The following GIP variants were observed in gnomAD, a reference collection of about 807,000 sequenced individuals.
GIP encodes the protein glucose-dependent insulinotropic polypeptide.
Under a neutral mutation model 18.1 loss-of-function variants are expected in GIP, and 16 were observed. The ratio of observed to expected loss-of-function variants is 0.88; its 90% CI spans 0.60 to 1.34. GIP has a LOEUF of 1.34. GIP is among the 40% of genes most tolerant of loss of function. The probability of loss-of-function intolerance (pLI) is 0.00; values close to 1 mark genes in which losing one functional copy is unlikely to be tolerated. For missense variants in GIP, 192 were observed against 183.4 expected, an observed-to-expected ratio of 1.05 and a Z score of -0.27; for synonymous variants, 76 against 74.0, an observed-to-expected ratio of 1.03 and a Z score of -0.14.
At chr17:48,966,604 A>T (rs2041237366) in intron 2 of GIP, among the ~76,000 whole-genome samples, 1 of 151,498 alleles carries the variant, frequency 6.6e-6, no homozygotes, top group South Asian at 2.1e-4. Context: ...AAAAGAATGC[A>T]TTCATAAGCC....
intron 1 of GIP, among the ~76,000 whole-genome samples, chr17:48,967,872 T>A (rs534689295): frequency 6.6e-6 from 1 of 151,356 alleles, no homozygotes; most frequent in Non-Finnish European, 1.5e-5. Flanking sequence ...GCCAATATGG[T>A]GAAATCCTGT....
At chr17:48,964,159 CAAAAAA>C (rs11380752) in intron 3 of GIP, 145 bp downstream of exon 3, 187 of 357,296 alleles carry the variant, frequency 5.2e-4, no homozygotes, top group South Asian at 1.1e-3. Context: ...GACTCCATCT[CAAAAAA>C]AAAAAAAAAA....
intron 1 of GIP, among the ~76,000 whole-genome samples, chr17:48,968,154 A>G (rs1227818804): frequency 1.3e-5 from 2 of 152,022 alleles, no homozygotes; most frequent in Non-Finnish European, 2.9e-5. Flanking sequence ...GTGCAGTGAC[A>G]CAATCGTGGC....
chr17:48,966,998 C>T, intron 2 of GIP, 149 bp downstream of exon 2: 1 of 621,116 alleles, frequency 1.6e-6, no homozygotes, highest in Non-Finnish European at 2.9e-6. Context: ...GCTCACTTTG[C>T]ACTCACGCTG....
chr17:48,958,757 T>C (rs993582297), intron 5 of GIP, 41 bp from the exon 6 acceptor site: 2 of 1,555,250 alleles, frequency 1.3e-6, no homozygotes, highest in Admixed American at 3.8e-5. Context: ...TGTTATGGAC[T>C]TGGAGTCGGC....
intron 1 of GIP, 106 bp from the exon 2 acceptor site, chr17:48,967,359 CTTTTTTTT>C: frequency 4.4e-5 from 22 of 502,800 alleles, no homozygotes; most frequent in Middle Eastern, 5.8e-4. Flanking sequence ...TTTCCTTTTT[CTTTTTTTT>C]TTTTTTTTTT....
Position 48,958,665 on chromosome 17 carries a change from A to C in GIP, c.*42T>G. 6.5e-7 allele frequency: 1 copy of C among 1,542,464 alleles called. No individual in the cohort carries two copies. The highest frequency in any genetic ancestry group is 8.8e-7 in the Non-Finnish European group (1 of 1,131,934). The stretch of plus-strand genomic sequence containing the variant: ...TGGAGTGGGGCTGAGGCAGGTGCTA[A>C]GTGAAGGGCAGAATCCAGTCCTGAG... On this transcript the variant is annotated 3_prime_UTR_variant, in exon 6 of 6. Coordinates refer to ENST00000357424, the MANE Select transcript of GIP (RefSeq NM_004123.3).
At chr17:48,966,129 G>C (rs2041234674) in intron 2 of GIP, among the ~76,000 whole-genome samples, 1 of 151,674 alleles carries the variant, frequency 6.6e-6, no homozygotes. Context: ...GTGGTGGCAG[G>C]TGCCTGTAAT....
At chr17:48,959,459 G>A (rs2041187511) in intron 5 of GIP, among the ~76,000 whole-genome samples, 3 of 152,058 alleles carry the variant, frequency 2.0e-5, no homozygotes, top group Admixed American at 6.6e-5. Context: ...TAGCTGCTCA[G>A]CATCAATGTC....
intron 2 of GIP, among the ~76,000 whole-genome samples, chr17:48,965,557 A>G (rs1166071579): frequency 2.1e-5 from 3 of 141,172 alleles, no homozygotes; most frequent in Admixed American, 7.9e-5. Flanking sequence ...GTAATCGGAG[A>G]TCGCGCCACT....
At chr17:48,964,032 T>C (rs1194654835) in intron 3 of GIP, among the ~76,000 whole-genome samples, 3 of 148,760 alleles carry the variant, frequency 2.0e-5, no homozygotes, top group African/African-American at 4.9e-5. Flanking sequence ...TGGTGGCAGT[T>C]GCCTGTAGTC....
intron 1 of GIP, among the ~76,000 whole-genome samples, chr17:48,967,827 G>A (rs935876408): frequency 6.7e-6 from 1 of 150,200 alleles, no homozygotes; most frequent in Non-Finnish European, 1.5e-5. Context: ...CCAGGTGGGC[G>A]GATCACTTGA....
chr17:48,963,153 C>G (rs180807066), intron 3 of GIP, among the ~76,000 whole-genome samples: 1 of 152,120 alleles, frequency 6.6e-6, no homozygotes, highest in East Asian at 1.9e-4. Flanking sequence ...CTGGTCCCTA[C>G]CCCTAGCCTA....
At chr17:48,958,979 C>T (rs1199438177) in intron 5 of GIP, among the ~76,000 whole-genome samples, 8 of 151,688 alleles carry the variant, frequency 5.3e-5, no homozygotes, top group South Asian at 2.1e-4. Context: ...CTCAGCCTCC[C>T]GAGTAGCTGG....
chr17:48,966,323 A>G (rs2041235752), intron 2 of GIP, among the ~76,000 whole-genome samples: 1 of 151,658 alleles, frequency 6.6e-6, no homozygotes, highest in Admixed American at 6.6e-5. Flanking sequence ...TGGGAGGCCA[A>G]GGTGGATGGA....
At chr17:48,961,895 G>A in intron 3 of GIP, 76 bp from the exon 4 acceptor site, 6 of 990,652 alleles carry the variant, frequency 6.1e-6, no homozygotes, top group South Asian at 5.5e-5. Context: ...TTTAATATCT[G>A]AACCCCAAAA....
chr17:48,960,452 A>G (rs1226521571), intron 5 of GIP, among the ~76,000 whole-genome samples: 1 of 135,228 alleles, frequency 7.4e-6, no homozygotes, highest in Non-Finnish European at 1.6e-5. Context: ...GACAGGCGGG[A>G]CACAGGATGG....
intron 4 of GIP, 82 bp from the exon 5 acceptor site, chr17:48,961,069 GA>G (rs2041198252): frequency 1.2e-6 from 1 of 865,328 alleles, no homozygotes; most frequent in East Asian, 2.7e-5. Context: ...GGACACCACT[GA>G]GGGGCAGCCG....
At chr17:48,960,751 C>T (rs1463806701) in intron 5 of GIP, 135 bp downstream of exon 5, 2 of 673,514 alleles carry the variant, frequency 3.0e-6, no homozygotes, top group Non-Finnish European at 5.4e-6. Flanking sequence ...TGATTCTATA[C>T]CTCTGATTTT....
Sources: allele counts gnomAD v4.1 joint callset (sites outside exome capture counted in the v4.1 genomes callset), GRCh38; gene constraint gnomAD v4.1.1; transcripts MANE v1.5; gene names NCBI Gene and HGNC (gene_info 2026-07-23, HGNC 2026-07-21).